MACROD2: variants seen among roughly 807,000 people sequenced by gnomAD.
MACROD2 encodes mono-ADP ribosylhydrolase 2, also known as ADP-ribose glycohydrolase MACROD2.
Under a neutral mutation model 70.4 loss-of-function variants are expected in MACROD2, and 36 were observed. The ratio of observed to expected loss-of-function variants is 0.51; its 90% confidence interval spans 0.39 to 0.68. The LOEUF is 0.68. MACROD2 is among the 30% of genes least tolerant of loss of function. The pLI, the probability that MACROD2 is intolerant of heterozygous loss-of-function variation, is 0.00. For synonymous variants in MACROD2, 172 were observed against 178.8 expected, an observed-to-expected ratio of 0.96 and a Z score of 0.30; for missense variants, 496 against 538.4, an observed-to-expected ratio of 0.92 and a Z score of 0.78.
At chr20:15,763,809 A>G (rs1272619008) in intron 8 of MACROD2, among the ~76,000 whole-genome samples, 2 of 152,216 alleles carry the variant, frequency 1.3e-5, no homozygotes, top group Admixed American at 1.3e-4. Flanking sequence ...GTGTAGTTTC[A>G]TGGCTAATTG....
At chr20:15,024,330 T>G (rs2075213201) in intron 5 of MACROD2, among the ~76,000 whole-genome samples, 1 of 152,012 alleles carries the variant, frequency 6.6e-6, no homozygotes, top group Admixed American at 6.6e-5. Flanking sequence ...TTTAAAATCA[T>G]GAATTTTAAC....
intron 8 of MACROD2, among the ~76,000 whole-genome samples, chr20:15,705,230 T>C (rs1012763512): frequency 3.3e-5 from 5 of 152,154 alleles, no homozygotes; most frequent in African/African-American, 1.2e-4. Flanking sequence ...ATCAAATTAA[T>C]AGAAAAAGTA....
At chr20:14,386,458 T>C (rs2083468720) in intron 3 of MACROD2, among the ~76,000 whole-genome samples, 2 of 152,202 alleles carry the variant, frequency 1.3e-5, no homozygotes. Context: ...AGATGGGACA[T>C]GATGGGAGGT....
intron 4 of MACROD2, among the ~76,000 whole-genome samples, chr20:14,677,671 C>A (rs1048952327): frequency 1.3e-5 from 2 of 152,104 alleles, no homozygotes; most frequent in African/African-American, 2.4e-5. Flanking sequence ...CAGTGTTCAC[C>A]CCAATACTAG....
chr20:14,473,443 C>T (rs2084553252), intron 3 of MACROD2, among the ~76,000 whole-genome samples: 1 of 152,124 alleles, frequency 6.6e-6, no homozygotes, highest in Non-Finnish European at 1.5e-5. Flanking sequence ...CTTATGGTGC[C>T]CTCCAGTTCA....
At chr20:14,266,712 T>G (rs1160911414) in intron 3 of MACROD2, among the ~76,000 whole-genome samples, 1 of 152,222 alleles carries the variant, frequency 6.6e-6, no homozygotes, top group Non-Finnish European at 1.5e-5. Context: ...GAAGATTAAG[T>G]CTCAGAATGG....
At chr20:14,803,312 G>A (rs1157515419) in intron 5 of MACROD2, among the ~76,000 whole-genome samples, 1 of 151,992 alleles carries the variant, frequency 6.6e-6, no homozygotes, top group Non-Finnish European at 1.5e-5. Context: ...AAATATATTG[G>A]CATTTTTAAA....
intron 5 of MACROD2, among the ~76,000 whole-genome samples, chr20:14,846,918 C>T (rs985826747): frequency 6.6e-6 from 1 of 152,074 alleles, no homozygotes; most frequent in Non-Finnish European, 1.5e-5. Flanking sequence ...AAATAATTAA[C>T]AATAATTAAA....
chr20:14,876,369 T>A (rs561612801), intron 5 of MACROD2, among the ~76,000 whole-genome samples: 3 of 152,276 alleles, frequency 2.0e-5, no homozygotes, highest in Admixed American at 2.0e-4. Flanking sequence ...GGATATTAAG[T>A]TTTTGTTTAA....
intron 7 of MACROD2, among the ~76,000 whole-genome samples, chr20:15,480,626 G>A (rs1274823104): frequency 6.6e-6 from 1 of 152,102 alleles, no homozygotes; most frequent in Non-Finnish European, 1.5e-5. Flanking sequence ...TTGGGTTTGT[G>A]TCATAGGGGT....
chr20:15,098,510 G>T (rs1430604897), intron 5 of MACROD2, among the ~76,000 whole-genome samples: 1 of 152,196 alleles, frequency 6.6e-6, no homozygotes, highest in Non-Finnish European at 1.5e-5. Flanking sequence ...TCAGGCACAC[G>T]TAATGCCTTT....
intron 15 of MACROD2, among the ~76,000 whole-genome samples, chr20:15,993,035 T>C (rs947372062): frequency 3.3e-5 from 5 of 150,776 alleles, no homozygotes; most frequent in Admixed American, 2.7e-4. Flanking sequence ...AGATAGTGAG[T>C]ATAATTATTA....
intron 2 of MACROD2, among the ~76,000 whole-genome samples, chr20:14,024,180 C>T (rs944900181): frequency 6.6e-6 from 1 of 152,022 alleles, no homozygotes; most frequent in African/African-American, 2.4e-5. Context: ...TGGAAGTTCA[C>T]TCATGATTTG....
intron 15 of MACROD2, among the ~76,000 whole-genome samples, chr20:16,009,618 A>G (rs1022235779): frequency 3.3e-5 from 5 of 152,126 alleles, no homozygotes; most frequent in African/African-American, 9.7e-5. Context: ...TTAGCCAAGC[A>G]TGGTGGCGGG....
intron 2 of MACROD2, among the ~76,000 whole-genome samples, chr20:14,020,162 C>T (rs573272979): frequency 2.0e-5 from 3 of 152,270 alleles, no homozygotes; most frequent in African/African-American, 7.2e-5. Context: ...ATGTAGATTG[C>T]AGTTTGTGAT....
intron 3 of MACROD2, among the ~76,000 whole-genome samples, chr20:14,372,769 T>A (rs1361364965): frequency 6.6e-6 from 1 of 152,154 alleles, no homozygotes; most frequent in East Asian, 1.9e-4. Flanking sequence ...CTACTTAGGC[T>A]TTAAAAAAGT....
intron 5 of MACROD2, among the ~76,000 whole-genome samples, chr20:14,981,052 G>T (rs751998237): frequency 3.4e-5 from 5 of 147,356 alleles, no homozygotes; most frequent in Non-Finnish European, 5.9e-5. Flanking sequence ...GTGTGTGTGT[G>T]CATGTGTGTA....
chr20:14,037,646 G>C (rs1015433845), intron 2 of MACROD2, among the ~76,000 whole-genome samples: 1 of 51,172 alleles, frequency 2.0e-5, no homozygotes, highest in African/African-American at 1.4e-4. Context: ...TGTGTTGGTG[G>C]GGGGGGTAGT....
intron 13 of MACROD2, among the ~76,000 whole-genome samples, chr20:15,969,476 G>A (rs867781944): frequency 4.6e-5 from 7 of 152,176 alleles, no homozygotes; most frequent in South Asian, 2.1e-4. Flanking sequence ...AATTTTAGCC[G>A]AGAACTAGAA....
Sources: allele counts gnomAD v4.1 joint callset (sites outside exome capture counted in the v4.1 genomes callset), GRCh38; gene constraint gnomAD v4.1.1; transcripts MANE v1.5; gene names NCBI Gene and HGNC (gene_info 2026-07-23, HGNC 2026-07-21).